The following KLHL6 variants were observed in gnomAD, a reference collection of about 807,000 sequenced individuals.
The protein encoded by KLHL6 is kelch-like protein 6.
A neutral mutation model predicts 58.6 loss-of-function variants in KLHL6; 41 were observed. The observed-to-expected ratio is 0.70, with a 90% CI of 0.55 to 0.91. KLHL6 has a LOEUF of 0.91. KLHL6 is among the 40% of genes least tolerant of loss of function. KLHL6 has a pLI of 0.00. For synonymous variants in KLHL6, 338 were observed against 322.7 expected (o/e 1.05, Z -0.51); for missense variants, 714 against 805.6 (o/e 0.89, Z 1.38).
intron 1 of KLHL6, among the ~76,000 whole-genome samples, chr3:183,533,113 A>G (rs1303288114): frequency 3.3e-5 from 5 of 152,092 alleles, no homozygotes; most frequent in Non-Finnish European, 5.9e-5. Context: ...CTGAAATGCA[A>G]AGGCCCTGGG....
chr3:183,546,203 T>A (rs1577204378), intron 1 of KLHL6, among the ~76,000 whole-genome samples: 1 of 152,376 alleles, frequency 6.6e-6, no homozygotes, highest in Admixed American at 6.5e-5. Context: ...CCTTCTTGCA[T>A]ATTTGGGTCT....
rs1717467148 is a variant in KLHL6 at position 183,488,809 on chromosome 3, C to G, written c.*3118G>C. 6.6e-6 allele frequency: 1 copy of G among 152,242 alleles called. No individual in the cohort carries two copies. Among genetic ancestry groups the G allele is most frequent in the Non-Finnish European group, 1.5e-5 (1 of 68,056 alleles). 9.4% of individuals were successfully genotyped at this position (152,242 alleles called of 1,614,324 possible). The stretch of plus-strand genomic sequence containing the variant: ...GTTTCCCCCAAATGACTTGAACTTT[C>G]TTTCTCGAAGAGCTACAGACTGGCA... On this transcript the variant is annotated 3_prime_UTR_variant, in exon 7 of 7. Transcript: ENST00000341319.
intron 2 of KLHL6, among the ~76,000 whole-genome samples, chr3:183,526,666 T>C (rs1711982331): frequency 6.6e-6 from 1 of 152,206 alleles, no homozygotes; most frequent in Non-Finnish European, 1.5e-5. Flanking sequence ...TCACTCTGTC[T>C]CTGCACCATG....
At chr3:183,508,644 A>T in intron 2 of KLHL6, 136 bp from the exon 3 acceptor site, 1 of 675,266 alleles carries the variant, frequency 1.5e-6, no homozygotes, top group Non-Finnish European at 2.5e-6. Context: ...CTAAATACAT[A>T]TAATTCATTC....
At chr3:183,528,347 C>T (rs2082270503) in intron 1 of KLHL6, among the ~76,000 whole-genome samples, 1 of 152,230 alleles carries the variant, frequency 6.6e-6, no homozygotes, top group Non-Finnish European at 1.5e-5. Context: ...TTCCACCCAG[C>T]ACCCAAACAG....
chr3:183,548,325 G>C lies in KLHL6; in HGVS notation c.293+7036C>G, dbSNP rs145997668. On this transcript the variant is annotated intron_variant, in intron 1 of 6. Transcript: ENST00000341319. The stretch of plus-strand genomic sequence containing the variant: ...GTGATTCCCAGGGTTGGCAGAGGGA[G>C]GGGAGTCCTAGTGATGAGGGGAGGG... 4.1e-3 allele frequency among the ~76,000 whole-genome samples: 621 copies of C among 152,310 alleles called. 2 individuals carry two copies. The highest frequency in any genetic ancestry group is 0.01 in the Middle Eastern group (3 of 294).
intron 3 of KLHL6, among the ~76,000 whole-genome samples, chr3:183,506,592 C>T (rs1384609308): frequency 6.6e-6 from 1 of 152,088 alleles, no homozygotes; most frequent in African/African-American, 2.4e-5. Flanking sequence ...CTTTGGGAGG[C>T]TGAGATGAGA....
At chr3:183,546,484 C>G (rs1251360748) in intron 1 of KLHL6, among the ~76,000 whole-genome samples, 4 of 152,148 alleles carry the variant, frequency 2.6e-5, no homozygotes, top group African/African-American at 9.7e-5. Context: ...CAGCATTGTA[C>G]AGCAGCAGGG....
intron 1 of KLHL6, among the ~76,000 whole-genome samples, chr3:183,532,639 A>G (rs886571812): frequency 1.3e-5 from 2 of 152,238 alleles, no homozygotes; most frequent in Non-Finnish European, 2.9e-5. Context: ...CACAGTGAGT[A>G]AAGCCATAAA....
Position 183,527,930 on chromosome 3 carries a change from G to A in KLHL6, c.374C>T (p.Thr125Ile), listed in dbSNP as rs771308112. 8.7e-6 allele frequency: 14 copies of A among 1,613,954 alleles called. No homozygotes were observed. The highest frequency in any genetic ancestry group is 1.6e-4 in the Middle Eastern group (1 of 6,084). The change falls in exon 2 of 7, where the codon ACT becomes ATT. Residue 125 changes from threonine (T) to isoleucine (I), a missense_variant. Thr to Ile is a moderately conservative substitution (Grantham distance 89, BLOSUM62 -1). Transcript: ENST00000341319. Reference sequence around the variant, plus strand: ...GCTGGTGTACGTGTAGTCCAACAGAGTGTGCATGGTCTCAGCATCAACCCC... The same window carrying A: ...GCTGGTGTACGTGTAGTCCAACAGAATGTGCATGGTCTCAGCATCAACCCC... ...IKGVDAETMHTLLDYTYTSKA... is the reference protein window; with the variant it reads ...IKGVDAETMHILLDYTYTSKA...
chr3:183,493,806 G>C, intron 5 of KLHL6: 1 of 462,168 alleles, frequency 2.2e-6, no homozygotes, highest in Non-Finnish European at 3.9e-6. Flanking sequence ...TAAGGACAGG[G>C]TGAGCCTCTG....
chr3:183,541,865 A>G lies in KLHL6; in HGVS notation c.293+13496T>C, dbSNP rs533424593. ...TTTTGTTTATGAGCTTTGCTCTAAA[A>G]CGGGATAGCCTGGGCAGGAGAAGGG... is the stretch of plus-strand genomic sequence containing the variant. On this transcript the variant is annotated intron_variant, in intron 1 of 6. Transcript: ENST00000341319. Among the ~76,000 whole-genome samples the G allele has an allele frequency of 5.3e-5, 8 of 152,308 alleles. No individual in the cohort carries two copies. The East Asian group carries it at 1.5e-3, about 29-fold the overall frequency.
At chr3:183,538,783 C>G (rs1216698944) in intron 1 of KLHL6, among the ~76,000 whole-genome samples, 1 of 152,150 alleles carries the variant, frequency 6.6e-6, no homozygotes, top group Non-Finnish European at 1.5e-5. Flanking sequence ...CAATACTAAC[C>G]AAGGGAAGCA....
At chr3:183,551,653 T>C (rs535546659) in intron 1 of KLHL6, among the ~76,000 whole-genome samples, 1 of 152,328 alleles carries the variant, frequency 6.6e-6, no homozygotes, top group East Asian at 1.9e-4. Flanking sequence ...AAATCCTTAT[T>C]TGAAATCAGT....
Position 183,499,824 on chromosome 3 carries a change from T to G in KLHL6, c.913A>C (p.Ile305Leu). 6.4e-7 allele frequency: 1 copy of G among 1,571,336 alleles called. No individual in the cohort carries two copies. Among genetic ancestry groups the G allele is most frequent in the Middle Eastern group, 1.7e-4 (1 of 5,932 alleles). ...ATCCTGGGCTTGGTGCGTTCCGAAA[T>G]GATCTGGAAATCGATGGGGGTACAT... ...RMYHLSGNEI[I>L]SERTKPRMHE... The change falls in exon 4 of 7, where the codon ATT (isoleucine) becomes CTT (leucine). Residue 305 changes from isoleucine to leucine, a missense_variant. By Grantham distance (5) the Ile-to-Leu change is conservative. This residue lies in a region of KLHL6 where 510 missense variants were observed against 629.7 expected (regional missense o/e 0.81). Transcript: ENST00000341319. This position sits in a 1 kb window ranked among gnomAD's most constrained non-coding sequence, Gnocchi z 4.6.
chr3:183,525,220 C>T (rs1464292430), intron 2 of KLHL6, among the ~76,000 whole-genome samples: 1 of 142,520 alleles, frequency 7.0e-6, no homozygotes, highest in Admixed American at 7.1e-5. Flanking sequence ...GCCGAGATTG[C>T]ACCACTGCAC....
intron 4 of KLHL6, among the ~76,000 whole-genome samples, chr3:183,496,043 T>TAATA (rs1717704499): frequency 6.6e-6 from 1 of 152,194 alleles, no homozygotes; most frequent in African/African-American, 2.4e-5. Flanking sequence ...TATAGGATAT[T>TAATA]ATGTTAATGA....
intron 3 of KLHL6, among the ~76,000 whole-genome samples, chr3:183,500,372 G>T (rs771205345): frequency 4.6e-5 from 7 of 152,174 alleles, no homozygotes; most frequent in Non-Finnish European, 7.3e-5. Flanking sequence ...AGGGAGGAAG[G>T]CTGGTTCCAA....
intron 1 of KLHL6, among the ~76,000 whole-genome samples, chr3:183,549,654 A>G (rs4859131): frequency 0.31 from 47,804 of 152,092 alleles, 9,104 homozygotes; most frequent in East Asian, 0.67. Context: ...GACTACAGGC[A>G]TGTGCCACCA....
Sources: allele counts gnomAD v4.1 joint callset (sites outside exome capture counted in the v4.1 genomes callset), GRCh38; gene constraint gnomAD v4.1.1; regional missense constraint gnomAD v4.1.1; non-coding constraint Gnocchi (gnomAD v3.1); transcripts MANE v1.5; gene names NCBI Gene and HGNC (gene_info 2026-07-23, HGNC 2026-07-21).